Variants in TBXAS1 observed in about 807,000 individuals in gnomAD.
The protein encoded by TBXAS1 is thromboxane-A synthase.
Under a neutral mutation model 60.7 loss-of-function variants are expected in TBXAS1, and 48 were observed. The ratio of observed to expected loss-of-function variants is 0.79; its 90% CI spans 0.63 to 1.01. The LOEUF (loss-of-function observed/expected upper bound fraction) is 1.01, where lower values mean the gene tolerates loss of function less well. TBXAS1 is among the 50% of genes least tolerant of loss of function. The pLI is 0.00. For missense variants in TBXAS1, 685 were observed against 686.3 expected (o/e 1.00, Z 0.02); for synonymous variants, 287 against 269.7 (o/e 1.06, Z -0.63).
At chr7:139,779,089 A>G (rs908892651) in intron 1 of TBXAS1, among the ~76,000 whole-genome samples, 5 of 152,226 alleles carry the variant, frequency 3.3e-5, no homozygotes, top group African/African-American at 1.2e-4. Flanking sequence ...GTACTGGACA[A>G]GTGTACTGGA....
chr7:139,921,017 T>C (rs1246958105), intron 4 of TBXAS1, among the ~76,000 whole-genome samples: 3 of 152,236 alleles, frequency 2.0e-5, no homozygotes, highest in Admixed American at 1.3e-4. Context: ...TTACATCTGT[T>C]GATTTTCGTC....
intron 1 of TBXAS1, among the ~76,000 whole-genome samples, chr7:139,871,743 G>A (rs903128636): frequency 6.6e-6 from 1 of 152,090 alleles, no homozygotes; most frequent in African/African-American, 2.4e-5. Flanking sequence ...TCTCTGTAAG[G>A]CCAGGGAATG....
At chr7:139,792,714 T>C (rs1074978) in intron 4 of TBXAS1, among the ~76,000 whole-genome samples, 2,443 of 152,318 alleles carry the variant, frequency 0.016, 48 homozygotes, top group African/African-American at 0.052. Context: ...TTGCTTTTCA[T>C]TGGGTCCTAG....
intron 1 of TBXAS1, among the ~76,000 whole-genome samples, chr7:139,859,171 G>A (rs576322723): frequency 4.2e-4 from 64 of 151,054 alleles, no homozygotes; most frequent in Non-Finnish European, 6.8e-4. Flanking sequence ...CACCGTGCCC[G>A]GCCCAAAGCA....
Position 139,924,023 on chromosome 7 carries a change from G to A in TBXAS1, c.334-12168G>A, listed in dbSNP as rs776379315. Among the ~76,000 whole-genome samples, 5 of 152,146 alleles carry A rather than the reference G, an allele frequency of 3.3e-5. No individual in the cohort carries two copies. The East Asian group carries it at 5.8e-4, about 18-fold the overall frequency. The stretch of plus-strand genomic sequence containing the variant: ...TACTCCCATTGTATATATGTACCAC[G>A]TTTTCTTTATGCAGTTGTCTGTTAA... On this transcript the variant is annotated intron_variant, in intron 4 of 12. Coordinates refer to ENST00000448866, the MANE Select transcript of TBXAS1 (RefSeq NM_001061.7).
chr7:139,796,037 CT>C (rs1212341692), intron 4 of TBXAS1, among the ~76,000 whole-genome samples: 14 of 152,306 alleles, frequency 9.2e-5, no homozygotes, highest in Non-Finnish European at 8.8e-5. Flanking sequence ...TGTGTCTAAT[CT>C]CAGGGGATCA....
chr7:140,015,090 A>C (rs78776220), intron 10 of TBXAS1, among the ~76,000 whole-genome samples: 9 of 147,104 alleles, frequency 6.1e-5, no homozygotes, highest in East Asian at 2.1e-4. Context: ...AAAAACAAAC[A>C]AACCAAAGAA....
chr7:139,912,537 A>G (rs1439605629), intron 4 of TBXAS1, among the ~76,000 whole-genome samples: 3 of 152,138 alleles, frequency 2.0e-5, no homozygotes, highest in African/African-American at 7.2e-5. Context: ...CATACCTACC[A>G]TATGCCAGGC....
chr7:139,952,487 G>T lies in TBXAS1; in HGVS notation c.451-881G>T, dbSNP rs146095840. On this transcript the variant is annotated intron_variant, in intron 5 of 12. Coordinates refer to ENST00000448866, the MANE Select transcript of TBXAS1 (RefSeq NM_001061.7). ...TCAGAATGATGTATTAGAGCACGTT[G>T]CTTTAGCTGTGATGCTATTCTAGAA... The T allele has an allele frequency of 3.0e-4, 450 of 1,513,926 alleles. 5 individuals are homozygous for T. The African/African-American group carries it at 5.6e-3, about 19-fold the overall frequency. The allele number at this position is 1,513,926 out of a possible 1,614,324, so 93.8% of individuals were successfully genotyped here. A position where few individuals can be genotyped will look rare whatever the true frequency, so the allele number is the denominator to read the frequency against.
intron 4 of TBXAS1, among the ~76,000 whole-genome samples, chr7:139,807,461 G>A (rs964166152): frequency 6.6e-5 from 10 of 151,868 alleles, no homozygotes; most frequent in Admixed American, 6.6e-4. Context: ...TCGGCTCACT[G>A]CAACCTCCGC....
In TBXAS1 at chr7:139,989,176, C is replaced by T. The variant is rs142015566; in HGVS notation, c.1135-17915C>T. ...AAACTTTCCAAAGAGACCCATGGGTCTGGCCAAGACCCTCAGGGGTTGCCC... is the reference window on the plus strand; with the variant it reads ...AAACTTTCCAAAGAGACCCATGGGTTTGGCCAAGACCCTCAGGGGTTGCCC... On this transcript the variant is annotated intron_variant, in intron 9 of 12. Transcript: ENST00000448866. 4.2e-3 allele frequency among the ~76,000 whole-genome samples: 640 copies of T among 152,352 alleles called. 3 individuals are homozygous for T. The highest frequency in any genetic ancestry group is 0.013 in the African/African-American group (528 of 41,586).
rs545155867 is a variant in TBXAS1, at chr7:140,017,188, T to TGCAGGGCAAGCCA, written c.1365-477_1365-465dup. 4.7e-4 allele frequency among the ~76,000 whole-genome samples: 72 copies of TGCAGGGCAAGCCA among 152,284 alleles called. No individual in the cohort carries two copies. In the East Asian group the frequency reaches 0.011, roughly 22 times the overall value. On this transcript the variant is annotated intron_variant, in intron 11 of 12. Transcript: ENST00000448866. ...GGCTGCCAGTGTGGCCCAAGAGACC[T>TGCAGGGCAAGCCA]GCAGGGCAAGCCAGCAGGACACGCC...
chr7:139,881,459 C>T lies in TBXAS1; in HGVS notation c.236+5822C>T, dbSNP rs1002577417. On this transcript the variant is annotated intron_variant, in intron 3 of 12. Transcript: ENST00000448866. ...GAGTTAGGGACACACCCTTTTTCCC[C>T]CCCTCCAGGAGGGTAGAGTTCCATC... is the stretch of plus-strand genomic sequence containing the variant. 9.2e-5 allele frequency among the ~76,000 whole-genome samples: 14 copies of T among 152,104 alleles called. No individual in the cohort carries two copies. In the East Asian group the frequency reaches 2.1e-3, roughly 23 times the overall value.
At chr7:139,818,944 C>G (rs887633438) in intron 4 of TBXAS1, among the ~76,000 whole-genome samples, 5 of 152,200 alleles carry the variant, frequency 3.3e-5, no homozygotes, top group Middle Eastern at 3.2e-3. Context: ...AGAGGCTAGT[C>G]CCTCTCCATC....
chr7:139,932,438 A>G (rs1006881389), intron 4 of TBXAS1, among the ~76,000 whole-genome samples: 2 of 152,098 alleles, frequency 1.3e-5, no homozygotes, highest in Non-Finnish European at 2.9e-5. Context: ...TCTTATCTGA[A>G]TAATTTTGTC....
At chr7:139,943,627 G>C (rs1808464631) in intron 5 of TBXAS1, among the ~76,000 whole-genome samples, 1 of 152,132 alleles carries the variant, frequency 6.6e-6, no homozygotes, top group African/African-American at 2.4e-5. Flanking sequence ...ACTTCTAATT[G>C]GTCACAAGTC....
chr7:139,950,238 G>A (rs530418271), intron 5 of TBXAS1, among the ~76,000 whole-genome samples: 1 of 151,906 alleles, frequency 6.6e-6, no homozygotes, highest in East Asian at 1.9e-4. Flanking sequence ...CACTCTGCTG[G>A]CCCGCCAGGC....
intron 10 of TBXAS1, among the ~76,000 whole-genome samples, chr7:140,011,264 G>A (rs797014583): frequency 1.1e-4 from 14 of 131,798 alleles, no homozygotes; most frequent in Admixed American, 1.6e-4. Flanking sequence ...GCGGCAGAGC[G>A]AGACTCTGTC....
In TBXAS1 at chr7:139,896,876, A is replaced by G. The variant is rs1443055366; in HGVS notation, c.237-14349A>G. On this transcript the variant is annotated intron_variant, in intron 3 of 12. Coordinates refer to ENST00000448866, the MANE Select transcript of TBXAS1 (RefSeq NM_001061.7). The surrounding 1 kb of genome is among the most constrained non-coding windows in gnomAD (Gnocchi z 4.0). ...AACTTGCTTCAAATGATGGAGAACC[A>G]CTAGAGATTTATAGGGAATAGAACG... Among the ~76,000 whole-genome samples the G allele has an allele frequency of 4.6e-5, 7 of 152,192 alleles. No homozygotes were observed. Among genetic ancestry groups the G allele is most frequent in the African/African-American group, 1.7e-4 (7 of 41,444 alleles).
Sources: allele counts gnomAD v4.1 joint callset (sites outside exome capture counted in the v4.1 genomes callset), GRCh38; gene constraint gnomAD v4.1.1; non-coding constraint Gnocchi (gnomAD v3.1); transcripts MANE v1.5; gene names NCBI Gene and HGNC (gene_info 2026-07-23, HGNC 2026-07-21).